The following ERICH6B variants were observed in gnomAD, a reference collection of about 807,000 sequenced individuals.
ERICH6B encodes the protein glutamate rich 6B, also known as glutamate-rich protein 6B.
A neutral mutation model predicts 80.0 loss-of-function variants in ERICH6B; 69 were observed. The ratio of observed to expected loss-of-function variants is 0.86; its 90% CI spans 0.71 to 1.05. The LOEUF is 1.05. ERICH6B is among the 50% of genes least tolerant of loss of function. The probability of loss-of-function intolerance (pLI) is 0.00; values close to 1 mark genes in which losing one functional copy is unlikely to be tolerated. For synonymous variants in ERICH6B, 283 were observed against 291.9 expected, an observed-to-expected ratio of 0.97 and a Z score of 0.31; for missense variants, 754 against 796.1, an observed-to-expected ratio of 0.95 and a Z score of 0.64.
chr13:45,550,866 C>T (rs147447216), intron 11 of ERICH6B, among the ~76,000 whole-genome samples: 120 of 152,320 alleles, frequency 7.9e-4, no homozygotes, highest in African/African-American at 2.9e-3. Flanking sequence ...GATTGGGGCA[C>T]ACCCTACTTC....
intron 13 of ERICH6B, among the ~76,000 whole-genome samples, chr13:45,549,264 G>A (rs145363412): frequency 1.1e-4 from 17 of 150,686 alleles, no homozygotes; most frequent in African/African-American, 3.4e-4. Context: ...AGCTTGGGCC[G>A]CAGAGCAGAC....
chr13:45,593,627 G>T (rs1293961819), intron 3 of ERICH6B, among the ~76,000 whole-genome samples: 1 of 152,166 alleles, frequency 6.6e-6, no homozygotes, highest in Non-Finnish European at 1.5e-5. Context: ...GAAAGGGAGA[G>T]AGCTGGCATT....
At chr13:45,571,260 G>A (rs1037397057) in intron 8 of ERICH6B, among the ~76,000 whole-genome samples, 1 of 152,100 alleles carries the variant, frequency 6.6e-6, no homozygotes, top group African/African-American at 2.4e-5. Context: ...GTTTCACAAT[G>A]TGTATCATGA....
intron 1 of ERICH6B, among the ~76,000 whole-genome samples, chr13:45,613,505 A>C (rs543171215): frequency 7.9e-5 from 12 of 152,326 alleles, no homozygotes; most frequent in Non-Finnish European, 1.2e-4. Context: ...AGTCATGCTC[A>C]CACACATATA....
At chr13:45,571,841 G>A (rs1298182271) in intron 8 of ERICH6B, among the ~76,000 whole-genome samples, 1 of 152,172 alleles carries the variant, frequency 6.6e-6, no homozygotes, top group African/African-American at 2.4e-5. Flanking sequence ...GTGAACAGAT[G>A]TAGGAGAAGA....
intron 9 of ERICH6B, among the ~76,000 whole-genome samples, chr13:45,564,193 C>T (rs1172069677): frequency 6.6e-6 from 1 of 152,192 alleles, no homozygotes; most frequent in Non-Finnish European, 1.5e-5. Flanking sequence ...ACCTGAAACC[C>T]CTTTGCATTT....
intron 5 of ERICH6B, among the ~76,000 whole-genome samples, chr13:45,582,461 G>C (rs1347774727): frequency 6.6e-6 from 1 of 152,180 alleles, no homozygotes. Flanking sequence ...AGCAGGATCT[G>C]ATATCAATGA....
At chr13:45,579,002 C>A (rs1370864999) in intron 7 of ERICH6B, among the ~76,000 whole-genome samples, 1 of 152,166 alleles carries the variant, frequency 6.6e-6, no homozygotes, top group Non-Finnish European at 1.5e-5. Flanking sequence ...GTGAGCTGTT[C>A]TCACGCCACT....
intron 2 of ERICH6B, among the ~76,000 whole-genome samples, chr13:45,604,783 G>A (rs192098417): frequency 8.0e-4 from 122 of 152,086 alleles, no homozygotes; most frequent in African/African-American, 2.8e-3. Context: ...AAAATTAGCC[G>A]GGCATGGTGG....
rs1949865050 is a variant in ERICH6B at position 45,606,534 on chromosome 13, TATATATATATA to T, written c.-59+1019_-59+1029del. Among the ~76,000 whole-genome samples, 69 of 17,704 alleles carry T rather than the reference TATATATATATA, an allele frequency of 3.9e-3. 2 individuals carry two copies. Among genetic ancestry groups the T allele is most frequent in the African/African-American group, 8.6e-3 (67 of 7,824 alleles). 11.6% of individuals were successfully genotyped at this position (17,704 alleles called of 152,430 possible). Reference sequence around the variant, plus strand: ...ATATATATATATATATATATATATATATATATATATATATTTTTTTTTTTTTTTTTTTTTTT... The same window carrying T: ...ATATATATATATATATATATATATATTATTTTTTTTTTTTTTTTTTTTTTT... On this transcript the variant is annotated intron_variant, in intron 2 of 14. Coordinates refer to ENST00000298738, the MANE Select transcript of ERICH6B (RefSeq NM_182542.3).
intron 2 of ERICH6B, among the ~76,000 whole-genome samples, chr13:45,606,050 T>C (rs570589159): frequency 2.0e-5 from 3 of 152,354 alleles, no homozygotes; most frequent in South Asian, 4.1e-4. Context: ...ATGTCTTCTT[T>C]CCAATCTTTA....
chr13:45,563,641 C>A (rs1205978585), intron 10 of ERICH6B, 86 bp downstream of exon 10: 6 of 1,251,502 alleles, frequency 4.8e-6, no homozygotes, highest in Non-Finnish European at 6.9e-6. Flanking sequence ...CTTCCACCTT[C>A]TTTACAGTAC....
chr13:45,557,755 A>G (rs1040455842), intron 11 of ERICH6B, among the ~76,000 whole-genome samples: 1 of 152,098 alleles, frequency 6.6e-6, no homozygotes, highest in Non-Finnish European at 1.5e-5. Context: ...ATTTGGGTTT[A>G]TTGCTGGGTT....
At chr13:45,583,513 T>C (rs544988002) in intron 5 of ERICH6B, among the ~76,000 whole-genome samples, 1 of 152,340 alleles carries the variant, frequency 6.6e-6, no homozygotes, top group Non-Finnish European at 1.5e-5. Flanking sequence ...GCACACCAGT[T>C]TGCACTTTTG....
intron 1 of ERICH6B, among the ~76,000 whole-genome samples, chr13:45,608,996 C>A (rs1232128908): frequency 6.6e-6 from 1 of 152,230 alleles, no homozygotes; most frequent in Non-Finnish European, 1.5e-5. Context: ...AGTCCTCTTG[C>A]ACCACCTCCC....
rs116523615 is a variant in ERICH6B, at chr13:45,564,257, C to T, written c.1188-469G>A. ...AAAAGGACTTATCATGAAAGCCACA[C>T]GAGTCACAGCTCTTCAACATGATCA... On this transcript the variant is annotated intron_variant, in intron 9 of 14. Coordinates refer to ENST00000298738, the MANE Select transcript of ERICH6B (RefSeq NM_182542.3). Among the ~76,000 whole-genome samples the T allele has an allele frequency of 2.3e-3, 347 of 152,340 alleles. 3 individuals are homozygous for T. The highest frequency in any genetic ancestry group is 7.9e-3 in the African/African-American group (330 of 41,582).
rs1876030466 is a variant in ERICH6B at position 45,588,712 on chromosome 13, T to C, written c.687-1480A>G. ...GGTCATTTCCACTATCATGTACTTTTCCCCCCAGACACTGTCTGTCGTGCC... is the reference window on the plus strand; with the variant it reads ...GGTCATTTCCACTATCATGTACTTTCCCCCCCAGACACTGTCTGTCGTGCC... On this transcript the variant is annotated intron_variant, in intron 4 of 14. Coordinates refer to ENST00000298738, the MANE Select transcript of ERICH6B (RefSeq NM_182542.3). Among the ~76,000 whole-genome samples the C allele has an allele frequency of 3.3e-5, 5 of 152,230 alleles. No homozygotes were observed. In the South Asian group the frequency reaches 8.3e-4, roughly 25 times the overall value.
At position 45,594,366 on chromosome 13, in the gene ERICH6B, T is replaced by C. The variant is rs141308113; in HGVS notation, c.637+2003A>G. Among the ~76,000 whole-genome samples, 153 of 152,324 alleles carry C rather than the reference T, an allele frequency of 1.0e-3. 2 individuals carry two copies. Among genetic ancestry groups the C allele is most frequent in the Middle Eastern group, 3.4e-3 (1 of 294 alleles). ...ACACAGTTCCATTCGCTTGACAGCATTGTATTTGTCCTACTCTAGTGGGTA... is the reference window on the plus strand; with the variant it reads ...ACACAGTTCCATTCGCTTGACAGCACTGTATTTGTCCTACTCTAGTGGGTA... On this transcript the variant is annotated intron_variant, in intron 3 of 14. Coordinates refer to ENST00000298738, the MANE Select transcript of ERICH6B (RefSeq NM_182542.3).
rs556965141 is a variant in ERICH6B, at chr13:45,589,775, TG to T, written c.686+873del. On this transcript the variant is annotated intron_variant, in intron 4 of 14. Coordinates refer to ENST00000298738, the MANE Select transcript of ERICH6B (RefSeq NM_182542.3). ...TTGCTTTGAGTGTCAGCGATTGGGG[TG>T]AACGGGGGCCTTTGGAATGCCACTC... Among the ~76,000 whole-genome samples, 112 of 152,238 alleles carry T rather than the reference TG, an allele frequency of 7.4e-4. No individual in the cohort carries two copies. In the East Asian group the frequency reaches 0.015, roughly 20 times the overall value.
Sources: allele counts gnomAD v4.1 joint callset (sites outside exome capture counted in the v4.1 genomes callset), GRCh38; gene constraint gnomAD v4.1.1; transcripts MANE v1.5; gene names NCBI Gene and HGNC (gene_info 2026-07-23, HGNC 2026-07-21).